The following KPNA7 variants were observed in gnomAD, a reference collection of about 807,000 sequenced individuals.
KPNA7 encodes the protein karyopherin subunit alpha 7.
In KPNA7, 54 loss-of-function variants were observed where a neutral mutation model predicts 53.7. The observed-to-expected ratio is 1.01, with a 90% CI of 0.81 to 1.26. The LOEUF (loss-of-function observed/expected upper bound fraction) is 1.26, where lower values mean the gene tolerates loss of function less well. Among genes scored for constraint, KPNA7 ranks in the 50% most tolerant of loss-of-function variants. KPNA7 has a pLI of 0.00. For synonymous variants in KPNA7, 276 were observed against 259.3 expected, an observed-to-expected ratio of 1.06 and a Z score of -0.62; for missense variants, 640 against 644.5, an observed-to-expected ratio of 0.99 and a Z score of 0.07.
chr7:99,178,343 C>T (rs1799000403), intron 9 of KPNA7, among the ~76,000 whole-genome samples: 1 of 152,004 alleles, frequency 6.6e-6, no homozygotes, highest in African/African-American at 2.4e-5. Flanking sequence ...CTGAGGCAGG[C>T]AGATCACTTG....
intron 6 of KPNA7, among the ~76,000 whole-genome samples, chr7:99,190,670 G>GTTTTTT (rs768586879): frequency 3.4e-5 from 5 of 145,504 alleles, no homozygotes; most frequent in South Asian, 2.2e-4. Context: ...TTTTTTTTTG[G>GTTTTTT]GGGGAGACAG....
rs571301441 is a variant in KPNA7 at position 99,207,424 on chromosome 7, T to C, written c.43A>G (p.Lys15Glu). ...ACAGACACATCTTTGCCTCGGTACT[T>C]AAATTTTCTCCGCCTCTCTTCTGGA... is the stretch of plus-strand genomic sequence containing the variant. ...DAPEERRRKF[K>E]YRGKDVSLRR... Residue 15 changes from lysine to glutamate, a missense_variant, in exon 2 of 11, where the codon AAG (lysine) becomes GAG (glutamate). By Grantham distance (56) the Lys-to-Glu change is moderately conservative. Coordinates refer to ENST00000327442, the MANE Select transcript of KPNA7 (RefSeq NM_001145715.3). The C allele has an allele frequency of 1.0e-4, 160 of 1,551,406 alleles. 3 individuals carry two copies. In the South Asian group the frequency reaches 1.5e-3, roughly 15 times the overall value.
chr7:99,156,528 CTTTT>C, the KPNA7 span, among the ~76,000 whole-genome samples: 12 of 151,288 alleles, frequency 7.9e-5, no homozygotes, highest in South Asian at 2.1e-4. Context: ...AATTCTGATA[CTTTT>C]TTTTTGTTTG....
At chr7:99,170,485 G>T (rs1292600084), downstream of KPNA7, among the ~76,000 whole-genome samples, 1 of 152,096 alleles carries the variant, frequency 6.6e-6, no homozygotes, top group Non-Finnish European at 1.5e-5. Context: ...AAAAATGGTG[G>T]TGGCAGGGGA....
At chr7:99,197,433 G>A (rs938788330) in intron 3 of KPNA7, among the ~76,000 whole-genome samples, 5 of 152,164 alleles carry the variant, frequency 3.3e-5, no homozygotes, top group African/African-American at 1.2e-4. Context: ...CAAAGATTGT[G>A]AGACAAGCAA....
downstream of KPNA7, among the ~76,000 whole-genome samples, chr7:99,173,062 CAAAAA>C (rs923484332): frequency 3.9e-3 from 223 of 57,162 alleles, 2 homozygotes; most frequent in Middle Eastern, 0.02. Context: ...AACTCCATCT[CAAAAA>C]AAAAAAAAAA....
intron 9 of KPNA7, among the ~76,000 whole-genome samples, chr7:99,181,609 A>T (rs1799276662): frequency 6.6e-6 from 1 of 151,842 alleles, no homozygotes; most frequent in Non-Finnish European, 1.5e-5. Flanking sequence ...GTGCAGTGGC[A>T]CTATCTTGGC....
chr7:99,180,786 C>T (rs1038116415), intron 9 of KPNA7, among the ~76,000 whole-genome samples: 1 of 17,368 alleles, frequency 5.8e-5, no homozygotes. Flanking sequence ...TCTCTCTCCC[C>T]GTCTGTGTCT....
chr7:99,214,532 G>A (rs916258394), intron 1 of KPNA7, among the ~76,000 whole-genome samples: 22 of 148,274 alleles, frequency 1.5e-4, no homozygotes, highest in African/African-American at 5.5e-4. Flanking sequence ...GGAGGCTGAG[G>A]AGGGAGAATC....
chr7:99,215,031 A>C (rs1791179491), intron 1 of KPNA7, among the ~76,000 whole-genome samples: 1 of 152,000 alleles, frequency 6.6e-6, no homozygotes, highest in African/African-American at 2.4e-5. Flanking sequence ...CTCAGCTCTA[A>C]GACCATTGCC....
chr7:99,188,495 G>T lies in KPNA7; in HGVS notation c.705C>A (p.Cys235Ter), dbSNP rs577711835. Residue 235 changes from cysteine to a stop codon, truncating the protein, a stop_gained, in exon 7 of 11, where the codon TGC (cysteine) becomes TGA (stop). Coordinates refer to ENST00000327442, the MANE Select transcript of KPNA7 (RefSeq NM_001145715.3). LOFTEE classifies it high-confidence loss of function. ...NLCRNKNPYP[C>*]DTAVKQILPA... ...GCAGTATCTGCTTCACCGCAGTGTCGCAAGGGTATGGGTTCTTGTTTCGGC... is the reference window on the plus strand; with the variant it reads ...GCAGTATCTGCTTCACCGCAGTGTCTCAAGGGTATGGGTTCTTGTTTCGGC... The T allele has an allele frequency of 6.4e-7, 1 of 1,551,664 alleles. No individual in the cohort carries two copies. Among genetic ancestry groups the T allele is most frequent in the Admixed American group, 2.0e-5 (1 of 50,986 alleles).
chr7:99,207,613 C>CTTTT lies in KPNA7; in HGVS notation c.-23-128_-23-125dup, dbSNP rs754881370. 42 of 123,044 alleles carry CTTTT rather than the reference C, an allele frequency of 3.4e-4. 8 individuals carry two copies. The highest frequency in any genetic ancestry group is 5.1e-4 in the African/African-American group (8 of 15,602). 7.6% of individuals were successfully genotyped at this position (123,044 alleles called of 1,614,324 possible). ...GCAAAGGGCAGACCCAGGAAGCTAG[C>CTTTT]TTTTTTTTTTTTTTTTTTTTTTTTT... On this transcript the variant is annotated intron_variant, in intron 1 of 10. Coordinates refer to ENST00000327442, the MANE Select transcript of KPNA7 (RefSeq NM_001145715.3).
At chr7:99,154,283 C>T in the KPNA7 span, among the ~76,000 whole-genome samples, 1 of 151,946 alleles carries the variant, frequency 6.6e-6, no homozygotes, top group Non-Finnish European at 1.5e-5. Flanking sequence ...TGCCCGCCAC[C>T]ACACCTGGCT....
At chr7:99,213,266 A>G (rs890192986) in intron 1 of KPNA7, among the ~76,000 whole-genome samples, 2 of 151,552 alleles carry the variant, frequency 1.3e-5, no homozygotes, top group African/African-American at 4.9e-5. Flanking sequence ...AGCTGGAACT[A>G]AAGGCTCACA....
At chr7:99,199,607 G>T (rs1182164704) in intron 3 of KPNA7, among the ~76,000 whole-genome samples, 3 of 152,252 alleles carry the variant, frequency 2.0e-5, no homozygotes, top group South Asian at 2.1e-4. Context: ...CGGCTCAAAG[G>T]CCTAAAAGTA....
At position 99,184,921 on chromosome 7, in the gene KPNA7, C is replaced by T; in HGVS notation, c.1134+8G>A. On this transcript the variant is annotated splice_region_variant and intron_variant, in intron 8 of 10. Transcript: ENST00000327442. Reference sequence around the variant, plus strand: ...TCCTTTGCCATGGTTGCTGTGTGCGCCACTTACGTTTTTTAGCAGAGCCAC... The same window carrying T: ...TCCTTTGCCATGGTTGCTGTGTGCGTCACTTACGTTTTTTAGCAGAGCCAC... 2 of 1,551,074 alleles carry T rather than the reference C, an allele frequency of 1.3e-6. No individual in the cohort carries two copies. The highest frequency in any genetic ancestry group is 1.7e-6 in the Non-Finnish European group (2 of 1,146,240).
chr7:99,211,336 C>T (rs527665238), upstream of KPNA7, among the ~76,000 whole-genome samples: 133 of 152,290 alleles, frequency 8.7e-4, no homozygotes, highest in African/African-American at 3.2e-3. Flanking sequence ...GCAGGAGAAT[C>T]GCTTGAATCT....
At chr7:99,216,174 C>G (rs1368426061) in intron 1 of KPNA7, among the ~76,000 whole-genome samples, 1 of 151,820 alleles carries the variant, frequency 6.6e-6, no homozygotes, top group Admixed American at 6.6e-5. Flanking sequence ...GCTACAGGCA[C>G]ACACCACCAC....
chr7:99,202,256 C>G (rs1339775035), intron 3 of KPNA7, among the ~76,000 whole-genome samples: 3 of 152,052 alleles, frequency 2.0e-5, no homozygotes, highest in African/African-American at 4.8e-5. Context: ...GTAGGACAGA[C>G]AGTGGTGTAC....
Sources: allele counts gnomAD v4.1 joint callset (sites outside exome capture counted in the v4.1 genomes callset), GRCh38; gene constraint gnomAD v4.1.1; transcripts MANE v1.5; gene names NCBI Gene and HGNC (gene_info 2026-07-23, HGNC 2026-07-21).